TBC1D8: variants seen among roughly 807,000 people sequenced by gnomAD.
TBC1D8 encodes the protein TBC1 domain family member 8.
In TBC1D8, 65 loss-of-function variants were observed where a neutral mutation model predicts 118.8. The observed-to-expected ratio is 0.55, with a 90% CI of 0.45 to 0.67. The LOEUF is 0.67. Among genes scored for constraint, TBC1D8 ranks in the 30% least tolerant of loss-of-function variants. The pLI is 0.00. For synonymous variants in TBC1D8, 566 were observed against 595.8 expected, an observed-to-expected ratio of 0.95 and a Z score of 0.73; for missense variants, 1,376 against 1,471.2, an observed-to-expected ratio of 0.94 and a Z score of 1.06.
At position 101,135,629 on chromosome 2, in the gene TBC1D8, T is replaced by G. The variant is rs1678824375; in HGVS notation, c.127+15498A>C. Among the ~76,000 whole-genome samples, 6 of 152,194 alleles carry G rather than the reference T, an allele frequency of 3.9e-5. No homozygotes were observed. In the South Asian group the frequency reaches 1.2e-3, roughly 31 times the overall value. ...CAAACAAAGAGCAGGGAACAACAAT[T>G]CAAACCAACTGCCCACCATCAGGGA... is the stretch of plus-strand genomic sequence containing the variant. On this transcript the variant is annotated intron_variant, in intron 1 of 19. Transcript: ENST00000409318.
intron 1 of TBC1D8, among the ~76,000 whole-genome samples, chr2:101,097,512 A>G (rs1676541590): frequency 6.6e-6 from 1 of 152,114 alleles, no homozygotes. Flanking sequence ...GAATAATAGT[A>G]AAGTCATAAA....
At chr2:101,015,727 A>G (rs574181935) in intron 17 of TBC1D8, among the ~76,000 whole-genome samples, 2 of 152,368 alleles carry the variant, frequency 1.3e-5, no homozygotes, top group South Asian at 2.1e-4. Context: ...AAACAGAGAT[A>G]TAGATCAATG....
At position 101,141,840 on chromosome 2, in the gene TBC1D8, A is replaced by T. The variant is rs999002897; in HGVS notation, c.127+9287T>A. Among the ~76,000 whole-genome samples, 17 of 146,194 alleles carry T rather than the reference A, an allele frequency of 1.2e-4. 1 individual carries two copies. Among genetic ancestry groups the T allele is most frequent in the African/African-American group, 2.4e-4 (10 of 41,060 alleles). ...ACACACACACATACACAAGGCTCAT[A>T]AAAAAAACTAAAAAAAAGGTAAGCC... On this transcript the variant is annotated intron_variant, in intron 1 of 19. Transcript: ENST00000409318.
At chr2:101,015,252 A>C (rs183192086) in intron 17 of TBC1D8, among the ~76,000 whole-genome samples, 85 of 152,312 alleles carry the variant, frequency 5.6e-4, no homozygotes, top group Non-Finnish European at 4.4e-5. Context: ...AGAAAAAAAA[A>C]TGGTATACCT....
intron 2 of TBC1D8, among the ~76,000 whole-genome samples, chr2:101,077,537 G>A (rs760852989): frequency 2.6e-5 from 4 of 152,100 alleles, no homozygotes; most frequent in Admixed American, 6.5e-5. Context: ...GTGAGCCACC[G>A]TGCCCGGCCG....
chr2:101,041,637 T>G (rs1481767039), intron 5 of TBC1D8, among the ~76,000 whole-genome samples: 1 of 152,106 alleles, frequency 6.6e-6, no homozygotes, highest in Admixed American at 6.6e-5. Flanking sequence ...GTTGCACAAC[T>G]CTGTGAACAT....
At chr2:101,029,189 G>A (rs1288569300) in intron 12 of TBC1D8, among the ~76,000 whole-genome samples, 2 of 152,168 alleles carry the variant, frequency 1.3e-5, no homozygotes, top group Non-Finnish European at 2.9e-5. Context: ...AGGAGTTCGA[G>A]ACCAACCTAG....
intron 2 of TBC1D8, among the ~76,000 whole-genome samples, chr2:101,086,929 AC>A (rs562817152): frequency 4.7e-4 from 71 of 152,072 alleles, no homozygotes; most frequent in South Asian, 2.7e-3. Flanking sequence ...GATTACAGGC[AC>A]CCACAACCAC....
At chr2:101,105,356 T>C (rs112805577) in intron 1 of TBC1D8, among the ~76,000 whole-genome samples, 2,396 of 152,156 alleles carry the variant, frequency 0.016, 60 homozygotes, top group African/African-American at 0.054. Flanking sequence ...ACAGAAGATA[T>C]ACAGATGACA....
chr2:101,054,208 G>C lies in TBC1D8; in HGVS notation c.531C>G (p.Tyr177Ter), dbSNP rs750050868. 1 of 1,612,804 alleles carries C rather than the reference G, an allele frequency of 6.2e-7. No individual in the cohort carries two copies. ...NFPEAEKLVT[Y>*]YSCCCWKGRV... ...TGCCCTTCCAACAGCAGCAGGAGTA[G>C]TAGGTGACCAGCTTCTCCGCCTCGG... The change falls in exon 4 of 20, where the codon TAC becomes TAG. Residue 177 changes from tyrosine (Y) to a stop codon, truncating the protein, a stop_gained. Transcript: ENST00000409318. LOFTEE classifies it high-confidence loss of function.
chr2:101,085,873 G>A (rs1162279451), intron 2 of TBC1D8, among the ~76,000 whole-genome samples: 7 of 152,202 alleles, frequency 4.6e-5, no homozygotes, highest in South Asian at 2.1e-4. Flanking sequence ...CGGGCGCGGC[G>A]GCTCACGCCT....
At position 101,037,726 on chromosome 2, in the gene TBC1D8, C is replaced by CAG. The variant is rs1681109351; in HGVS notation, c.1276-20_1276-19dup. 6.2e-7 allele frequency: 1 copy of CAG among 1,610,640 alleles called. No homozygotes were observed. The highest frequency in any genetic ancestry group is 8.5e-7 in the Non-Finnish European group (1 of 1,179,766). On this transcript the variant is annotated intron_variant, in intron 7 of 19. Transcript: ENST00000409318. ...AGTGAAGCCTGCACAGCAAGAGAGA[C>CAG]AGAGACAGAGAGAGAGAGGAGAGGA...
At chr2:101,076,157 T>C (rs371946944) in intron 2 of TBC1D8, among the ~76,000 whole-genome samples, 1 of 152,224 alleles carries the variant, frequency 6.6e-6, no homozygotes, top group African/African-American at 2.4e-5. Flanking sequence ...AAATATATTA[T>C]GTCTCAGGGT....
chr2:101,132,449 C>G (rs780457457), intron 1 of TBC1D8, among the ~76,000 whole-genome samples: 9 of 152,190 alleles, frequency 5.9e-5, no homozygotes, highest in Non-Finnish European at 1.2e-4. Flanking sequence ...AGTATGTATT[C>G]TGTGGTTCGT....
At chr2:101,018,011 C>A in intron 17 of TBC1D8, 2 of 1,373,482 alleles carry the variant, frequency 1.5e-6, no homozygotes, top group Non-Finnish European at 2.0e-6. Flanking sequence ...CTACTTCAAG[C>A]ATGTGCTCAT....
At chr2:101,095,441 T>A (rs1177031459) in intron 1 of TBC1D8, among the ~76,000 whole-genome samples, 1 of 127,550 alleles carries the variant, frequency 7.8e-6, no homozygotes, top group Non-Finnish European at 1.6e-5. Context: ...TGTGATGTTC[T>A]CCTTCCTGTG....
At chr2:101,100,274 A>G (rs528970487) in intron 1 of TBC1D8, among the ~76,000 whole-genome samples, 1 of 152,332 alleles carries the variant, frequency 6.6e-6, no homozygotes, top group South Asian at 2.1e-4. Flanking sequence ...CACTACAAAG[A>G]GAATAAAATA....
chr2:101,123,679 G>C (rs1239692659), intron 1 of TBC1D8, among the ~76,000 whole-genome samples: 1 of 152,164 alleles, frequency 6.6e-6, no homozygotes. Flanking sequence ...CCAGTATACT[G>C]TCACAGATAT....
intron 1 of TBC1D8, among the ~76,000 whole-genome samples, chr2:101,138,868 A>G (rs1485378295): frequency 6.6e-6 from 1 of 152,118 alleles, no homozygotes; most frequent in Non-Finnish European, 1.5e-5. Flanking sequence ...CAGAGAATGG[A>G]GGTGGGGCTG....
Sources: allele counts gnomAD v4.1 joint callset (sites outside exome capture counted in the v4.1 genomes callset), GRCh38; gene constraint gnomAD v4.1.1; transcripts MANE v1.5; gene names NCBI Gene and HGNC (gene_info 2026-07-23, HGNC 2026-07-21).